Variants in KMT2E observed in about 807,000 individuals in gnomAD.
KMT2E encodes the protein histone reader KMT2E.
A neutral mutation model predicts 184.6 loss-of-function variants in KMT2E; 30 were observed. The ratio of observed to expected loss-of-function variants is 0.16; its 90% confidence interval spans 0.12 to 0.22. The LOEUF (loss-of-function observed/expected upper bound fraction) is 0.22, where lower values mean the gene tolerates loss of function less well. Among genes scored for constraint, KMT2E ranks in the 10% least tolerant of loss-of-function variants. KMT2E has a pLI of 1.00. For synonymous variants in KMT2E, 815 were observed against 776.5 expected (o/e 1.05, Z -0.82); for missense variants, 2,023 against 2,237.4 (o/e 0.90, Z 1.93).
At chr7:105,035,023 T>TA in intron 1 of KMT2E, among the ~76,000 whole-genome samples, 1 of 116,696 alleles carries the variant, frequency 8.6e-6, no homozygotes. Flanking sequence ...ACCTGGCTAA[T>TA]TTTTTTTTTT....
intron 3 of KMT2E, among the ~76,000 whole-genome samples, chr7:105,044,031 C>A (rs1382393838): frequency 6.6e-6 from 1 of 152,118 alleles, no homozygotes; most frequent in Non-Finnish European, 1.5e-5. Flanking sequence ...CCAGGAGTTC[C>A]AGGCTGCAGT....
chr7:105,105,380 T>A, intron 17 of KMT2E, 59 bp from the exon 18 acceptor site: 1 of 1,275,076 alleles, frequency 7.8e-7, no homozygotes, highest in African/African-American at 1.5e-5. Flanking sequence ...GGTATTAGAA[T>A]ATTCAAGGGA....
intron 13 of KMT2E, among the ~76,000 whole-genome samples, chr7:105,087,823 C>CTT (rs144913829): frequency 2.4e-4 from 25 of 103,842 alleles, no homozygotes; most frequent in African/African-American, 6.4e-4. Context: ...TGTTTTCTTG[C>CTT]TTTTTTTTTT....
intron 3 of KMT2E, among the ~76,000 whole-genome samples, chr7:105,045,697 A>T (rs1007786999): frequency 6.6e-6 from 1 of 152,192 alleles, no homozygotes; most frequent in African/African-American, 2.4e-5. Flanking sequence ...TCATCTCTTG[A>T]CGTACACTTG....
chr7:105,046,251 C>T (rs1406536867), intron 3 of KMT2E, among the ~76,000 whole-genome samples: 5 of 152,196 alleles, frequency 3.3e-5, no homozygotes, highest in Non-Finnish European at 5.9e-5. Context: ...CAGCAATACA[C>T]ATAAGCCATA....
intron 4 of KMT2E, 49 bp downstream of exon 4, chr7:105,062,327 G>A (rs778855497): frequency 9.3e-5 from 114 of 1,231,076 alleles, no homozygotes; most frequent in Non-Finnish European, 1.2e-4. Context: ...TTTAGAGATT[G>A]AAAGTAGATG....
intron 14 of KMT2E, 102 bp from the exon 15 acceptor site, chr7:105,091,114 A>T (rs1798185862): frequency 1.7e-6 from 1 of 594,340 alleles, no homozygotes; most frequent in African/African-American, 1.9e-5. Context: ...GGCTGTGTAC[A>T]TGTTGAATTT....
chr7:105,110,708 T>C (rs746675629), intron 25 of KMT2E, 63 bp from the exon 26 acceptor site: 64 of 1,578,742 alleles, frequency 4.1e-5, no homozygotes, highest in Non-Finnish European at 5.0e-5. Flanking sequence ...TGTTGCTTTG[T>C]GGTGTTAAAA....
At chr7:105,069,157 C>G (rs1319316470) in intron 6 of KMT2E, among the ~76,000 whole-genome samples, 3 of 152,172 alleles carry the variant, frequency 2.0e-5, no homozygotes, top group Non-Finnish European at 4.4e-5. Flanking sequence ...TAGTCATGCC[C>G]TTTCCTACTA....
chr7:105,053,020 T>A (rs1262279646), intron 3 of KMT2E, among the ~76,000 whole-genome samples: 1 of 152,174 alleles, frequency 6.6e-6, no homozygotes, highest in African/African-American at 2.4e-5. Flanking sequence ...CTCTTCATTG[T>A]AGAAAGATGT....
At chr7:105,072,733 T>TG (rs1797373188) in intron 6 of KMT2E, among the ~76,000 whole-genome samples, 1 of 151,884 alleles carries the variant, frequency 6.6e-6, no homozygotes, top group African/African-American at 2.4e-5. Context: ...CTGACCAACA[T>TG]GGAGAAACCC....
At chr7:105,045,260 T>C (rs895726935) in intron 3 of KMT2E, among the ~76,000 whole-genome samples, 2 of 152,234 alleles carry the variant, frequency 1.3e-5, no homozygotes, top group Non-Finnish European at 2.9e-5. Context: ...TTGACTCTCT[T>C]TACCTTTGGC....
At chr7:105,082,847 C>T (rs1584773461) in intron 13 of KMT2E, among the ~76,000 whole-genome samples, 1 of 152,156 alleles carries the variant, frequency 6.6e-6, no homozygotes, top group African/African-American at 2.4e-5. Flanking sequence ...GTCTTGAAAA[C>T]AATGGAGCCC....
intron 1 of KMT2E, among the ~76,000 whole-genome samples, chr7:105,032,693 C>T (rs987251680): frequency 1.5e-4 from 23 of 152,084 alleles, no homozygotes; most frequent in African/African-American, 5.6e-4. Flanking sequence ...TTTGTAGAGA[C>T]AGGGTCTTGG....
intron 5 of KMT2E, chr7:105,064,042 C>T (rs552574403): frequency 2.2e-6 from 1 of 454,048 alleles, no homozygotes; most frequent in African/African-American, 2.0e-5. Flanking sequence ...CTGGAGTCTC[C>T]TTGAACCAGA....
intron 22 of KMT2E, chr7:105,108,537 A>G (rs1200518666): frequency 4.4e-6 from 2 of 454,512 alleles, no homozygotes; most frequent in Non-Finnish European, 8.8e-6. Context: ...TTTAATTTTT[A>G]TAACAGAGTC....
chr7:105,098,960 A>C (rs1798538306), intron 15 of KMT2E, among the ~76,000 whole-genome samples: 3 of 152,144 alleles, frequency 2.0e-5, no homozygotes, highest in Non-Finnish European at 2.9e-5. Context: ...AGCTCTAACT[A>C]CCTCAAAGAA....
chr7:105,088,984 T>C (rs1798095486), intron 13 of KMT2E, among the ~76,000 whole-genome samples: 1 of 152,236 alleles, frequency 6.6e-6, no homozygotes, highest in African/African-American at 2.4e-5. Context: ...TTATACTTAA[T>C]GTTTCTTATG....
At chr7:105,053,447 C>T (rs963212476) in intron 3 of KMT2E, among the ~76,000 whole-genome samples, 2 of 151,962 alleles carry the variant, frequency 1.3e-5, no homozygotes, top group African/African-American at 4.8e-5. Flanking sequence ...ATCTAGTTTG[C>T]AGATCATATA....
Sources: gnomAD v4.1 joint callset for allele counts (sites outside exome capture counted in the v4.1 genomes callset) on GRCh38, gnomAD v4.1.1 for gene constraint, MANE v1.5 for transcripts, NCBI Gene and HGNC (gene_info 2026-07-23, HGNC 2026-07-21) for gene names.